Variants in RYR2 observed in about 807,000 individuals in gnomAD.
The protein encoded by RYR2 is ryanodine receptor 2.
In RYR2, 227 loss-of-function variants were observed where a neutral mutation model predicts 601.1. The observed-to-expected ratio is 0.38, with a 90% CI of 0.34 to 0.42. RYR2 has a LOEUF of 0.42. RYR2 is among the 10% of genes least tolerant of loss of function. The probability of loss-of-function intolerance (pLI) is 1.00; values close to 1 mark genes in which losing one functional copy is unlikely to be tolerated. For synonymous variants in RYR2, 2,223 were observed against 2,175.1 expected (o/e 1.02, Z -0.61); for missense variants, 4,646 against 6,156.5 (o/e 0.75, Z 8.21).
intron 12 of RYR2, among the ~76,000 whole-genome samples, chr1:237,423,764 AT>A (rs1705828833): frequency 6.6e-6 from 1 of 152,202 alleles, no homozygotes; most frequent in Non-Finnish European, 1.5e-5. Flanking sequence ...CCATTCTTAT[AT>A]GCGGACCTTC....
chr1:237,622,899 A>G (rs1479504711), intron 38 of RYR2, among the ~76,000 whole-genome samples: 1 of 152,204 alleles, frequency 6.6e-6, no homozygotes, highest in Non-Finnish European at 1.5e-5. Context: ...TTGTATTCCA[A>G]ACTCTGAAAA....
At chr1:237,546,567 G>A (rs150494091) in intron 25 of RYR2, among the ~76,000 whole-genome samples, 22 of 152,090 alleles carry the variant, frequency 1.4e-4, no homozygotes, top group African/African-American at 4.6e-4. Flanking sequence ...TTTTAGTAGA[G>A]ATGGGGTTTT....
At position 237,792,098 on chromosome 1, in the gene RYR2, G is replaced by C. The variant is rs765254375; in HGVS notation, c.13564-7G>C. 5 of 1,579,028 alleles carry C rather than the reference G, an allele frequency of 3.2e-6. No homozygotes were observed. The South Asian group carries it at 4.6e-5, about 15-fold the overall frequency. On this transcript the variant is annotated splice_polypyrimidine_tract_variant and splice_region_variant and intron_variant, in intron 93 of 104. Transcript: ENST00000366574. ...AAACTGACTCTACTTTAAATGCTTT[G>C]AATCAGGTCTCCACTTCTTCTGTGG...
At chr1:237,781,752 T>C (rs1695130999) in intron 89 of RYR2, 106 bp downstream of exon 89, 1 of 501,884 alleles carries the variant, frequency 2.0e-6, no homozygotes, top group Non-Finnish European at 3.5e-6. Context: ...CACTCAGATA[T>C]GATAGATGCC....
intron 24 of RYR2, among the ~76,000 whole-genome samples, chr1:237,516,171 C>T (rs1000819427): frequency 9.9e-5 from 15 of 152,202 alleles, no homozygotes; most frequent in African/African-American, 3.1e-4. Context: ...AGTGCAGTTA[C>T]GCGATCTCAG....
intron 48 of RYR2, among the ~76,000 whole-genome samples, chr1:237,644,128 T>C (rs1681874868): frequency 6.6e-6 from 1 of 152,232 alleles, no homozygotes; most frequent in Non-Finnish European, 1.5e-5. Context: ...ATAGTTTTCA[T>C]TGTCACTTTC....
chr1:237,247,073 A>G (rs902288787), intron 1 of RYR2, among the ~76,000 whole-genome samples: 35 of 152,230 alleles, frequency 2.3e-4, no homozygotes, highest in African/African-American at 7.0e-4. Context: ...TAGCACTAGT[A>G]TAAATATTAC....
rs1660405621 is a variant in RYR2, at chr1:237,469,151, T to C, written c.1672T>C (p.Leu558=). 3 of 1,612,220 alleles carry C rather than the reference T, an allele frequency of 1.9e-6. No homozygotes were observed. Among genetic ancestry groups the C allele is most frequent in the Non-Finnish European group, 2.5e-6 (3 of 1,178,898 alleles). ...TCAATTTTCTGGCTCCCTCGACTGG[T>C]TGATCAGCAGATTGGAAAGACTGGA... The part of the protein sequence containing the change: ...CAQFSGSLDW[L]ISRLERLEAS... Residue 558 remains leucine, a synonymous_variant, in exon 17 of 105, where the codon TTG becomes CTG. Transcript: ENST00000366574.
Position 237,405,667 on chromosome 1 carries a change from T to C in RYR2, c.774-11382T>C, listed in dbSNP as rs148656438. Among the ~76,000 whole-genome samples, 852 of 152,210 alleles carry C rather than the reference T, an allele frequency of 5.6e-3. 14 individuals are homozygous for C. Among genetic ancestry groups the C allele is most frequent in the African/African-American group, 0.02 (822 of 41,562 alleles). Reference sequence around the variant, plus strand: ...TTTGCCTTGACTTTTCTTTTACCTTTTATGAAACAAGAGAAAGAAGGATTT... The same window carrying C: ...TTTGCCTTGACTTTTCTTTTACCTTCTATGAAACAAGAGAAAGAAGGATTT... On this transcript the variant is annotated intron_variant, in intron 10 of 104. Coordinates refer to ENST00000366574, the MANE Select transcript of RYR2 (RefSeq NM_001035.3).
intron 2 of RYR2, among the ~76,000 whole-genome samples, chr1:237,327,184 A>G (rs895180182): frequency 2.6e-5 from 4 of 151,926 alleles, no homozygotes; most frequent in African/African-American, 7.3e-5. Flanking sequence ...CAGCTTTTCT[A>G]TTACATTTGT....
In RYR2 at chr1:237,056,594, C is replaced by CACCTGTGAGGACTGG. The variant is rs1558155508; in HGVS notation, c.48+14026_48+14027insCCTGTGAGGACTGGA. 9.4e-5 allele frequency among the ~76,000 whole-genome samples: 5 copies of CACCTGTGAGGACTGG among 53,114 alleles called. 2 individuals carry two copies. Among genetic ancestry groups the CACCTGTGAGGACTGG allele is most frequent in the African/African-American group, 2.5e-4 (4 of 15,946 alleles). The allele number at this position is 53,114 out of a possible 152,430, so 34.8% of individuals were successfully genotyped here. On this transcript the variant is annotated intron_variant, in intron 1 of 104. Coordinates refer to ENST00000366574, the MANE Select transcript of RYR2 (RefSeq NM_001035.3). The stretch of plus-strand genomic sequence containing the variant: ...TGGAACACTGCACCTGTGAGGACTG[C>CACCTGTGAGGACTGG]AGCACTGCACCTGTGAGGACTGGAG...
Position 237,752,462 on chromosome 1 carries a change from T to TA in RYR2, c.11146-3812dup, listed in dbSNP as rs11336558. Reference sequence around the variant, plus strand: ...ACCATGCCTGGCTCATTTATTTAATTAAAAAAAAAAAAAAGAAAATTTAGG... The same window carrying TA: ...ACCATGCCTGGCTCATTTATTTAATTAAAAAAAAAAAAAAAGAAAATTTAGG... On this transcript the variant is annotated intron_variant, in intron 80 of 104. Coordinates refer to ENST00000366574, the MANE Select transcript of RYR2 (RefSeq NM_001035.3). Among the ~76,000 whole-genome samples, 828 of 143,004 alleles carry TA rather than the reference T, an allele frequency of 5.8e-3. 11 individuals carry two copies. Among genetic ancestry groups the TA allele is most frequent in the East Asian group, 0.056 (271 of 4,832 alleles). The allele number at this position is 143,004 out of a possible 152,430, so 93.8% of individuals were successfully genotyped here.
Position 237,660,026 on chromosome 1 carries a change from T to C in RYR2, c.8250T>C (p.Ser2750=). 1 of 1,590,808 alleles carries C rather than the reference T, an allele frequency of 6.3e-7. No individual in the cohort carries two copies. The highest frequency in any genetic ancestry group is 8.5e-7 in the Non-Finnish European group (1 of 1,171,498). Reference sequence around the variant, plus strand: ...TTTATGGAGAAATATATTCAGACTCTTCTAAGGTTCAGCCATTAATGAAGC... The same window carrying C: ...TTTATGGAGAAATATATTCAGACTCCTCTAAGGTTCAGCCATTAATGAAGC... ...GWIYGEIYSD[S]SKVQPLMKPY... Residue 2750 remains serine, a synonymous_variant, in exon 55 of 105, where the codon TCT becomes TCC. Coordinates refer to ENST00000366574, the MANE Select transcript of RYR2 (RefSeq NM_001035.3).
intron 97 of RYR2, among the ~76,000 whole-genome samples, chr1:237,799,727 C>T (rs918494668): frequency 5.3e-5 from 8 of 152,112 alleles, no homozygotes; most frequent in African/African-American, 1.9e-4. Context: ...TTAATGGGAA[C>T]ATTCAAATAC....
At chr1:237,692,594 G>T (rs955045382) in intron 63 of RYR2, among the ~76,000 whole-genome samples, 4 of 152,034 alleles carry the variant, frequency 2.6e-5, no homozygotes, top group African/African-American at 9.7e-5. Flanking sequence ...CAGCTTCCTT[G>T]GCCTTCTCTC....
chr1:237,308,527 T>C (rs561462249), intron 2 of RYR2, among the ~76,000 whole-genome samples: 250 of 152,328 alleles, frequency 1.6e-3, no homozygotes, highest in African/African-American at 5.9e-3. Flanking sequence ...ACTTCAAGAA[T>C]GAAGCCGCGG....
chr1:237,668,100 T>A, intron 58 of RYR2, 142 bp downstream of exon 58: 1 of 607,296 alleles, frequency 1.6e-6, no homozygotes, highest in Non-Finnish European at 2.8e-6. Flanking sequence ...CAGATTGAAG[T>A]TGGAAATGCT....
intron 21 of RYR2, 146 bp from the exon 22 acceptor site, chr1:237,503,143 G>A: frequency 1.5e-6 from 1 of 656,262 alleles, no homozygotes; most frequent in South Asian, 2.0e-5. Flanking sequence ...GAATTCTAAG[G>A]TGATCACATT....
At chr1:237,593,766 T>C (rs1675502854) in intron 33 of RYR2, 130 bp downstream of exon 33, 7 of 953,632 alleles carry the variant, frequency 7.3e-6, no homozygotes, top group Middle Eastern at 2.8e-4. Context: ...AAGCCATTAA[T>C]GTCAATGTCG....
Sources: allele counts gnomAD v4.1 joint callset (sites outside exome capture counted in the v4.1 genomes callset), GRCh38; gene constraint gnomAD v4.1.1; transcripts MANE v1.5; gene names NCBI Gene and HGNC (gene_info 2026-07-23, HGNC 2026-07-21).